RUFY2: variants seen among roughly 807,000 people sequenced by gnomAD.
RUFY2 encodes the protein RUN and FYVE domain-containing protein 2.
A neutral mutation model predicts 94.4 loss-of-function variants in RUFY2; 49 were observed. The observed-to-expected ratio is 0.52, with a 90% CI of 0.41 to 0.66. The LOEUF (loss-of-function observed/expected upper bound fraction) is 0.66. Among genes scored for constraint, RUFY2 ranks in the 30% least tolerant of loss-of-function variants. RUFY2 has a pLI of 0.00. For missense variants in RUFY2, 541 were observed against 692.8 expected (o/e 0.78, Z 2.46); for synonymous variants, 255 against 235.7 (o/e 1.08, Z -0.75).
At chr10:68,382,351 C>T (rs893293931) in intron 10 of RUFY2, among the ~76,000 whole-genome samples, 11 of 151,706 alleles carry the variant, frequency 7.3e-5, no homozygotes, top group Non-Finnish European at 1.3e-4. Flanking sequence ...CCACCGTGCC[C>T]GGCCAACACA....
chr10:68,394,139 G>T lies in RUFY2; in HGVS notation c.523-3C>A. 1 of 1,488,334 alleles carries T rather than the reference G, an allele frequency of 6.7e-7. No individual in the cohort carries two copies. The highest frequency in any genetic ancestry group is 9.0e-7 in the Non-Finnish European group (1 of 1,111,486). 92.2% of individuals were successfully genotyped at this position (1,488,334 alleles called of 1,614,324 possible). A position where few individuals can be genotyped will look rare whatever the true frequency, so the allele number is the denominator to read the frequency against. ...ATAGAAAAATCAATCACTCCAACCT[G>T]AAGTAAATAAAGTTTTTTTTAATTT... On this transcript the variant is annotated splice_region_variant and splice_polypyrimidine_tract_variant and intron_variant, in intron 5 of 17. Transcript: ENST00000602465.
intron 6 of RUFY2, chr10:68,393,688 C>A: frequency 4.6e-6 from 1 of 218,084 alleles, no homozygotes; most frequent in Non-Finnish European, 8.9e-6. Flanking sequence ...AAGATAGAAC[C>A]ACTGCACTCC....
chr10:68,386,355 A>AT (rs1281473439), intron 7 of RUFY2, among the ~76,000 whole-genome samples: 13 of 150,452 alleles, frequency 8.6e-5, no homozygotes, highest in Non-Finnish European at 1.2e-4. Context: ...GGTGCTACTG[A>AT]TTTTTTTTTT....
intron 14 of RUFY2, 148 bp downstream of exon 14, chr10:68,363,836 C>A: frequency 1.2e-6 from 1 of 830,496 alleles, no homozygotes; most frequent in South Asian, 2.0e-5. Context: ...GCTGTATCAA[C>A]TATTTTCCAT....
rs2046141761 is a variant in RUFY2 at position 68,344,166 on chromosome 10, T to C, written c.*1602A>G. On this transcript the variant is annotated 3_prime_UTR_variant, in exon 18 of 18. Transcript: ENST00000602465. ...GACACCTCAAAAGCTGACTGGAAAT[T>C]TACGGGTTTTGGAAAAAATAGATCT... 2 of 152,104 alleles carry C rather than the reference T, an allele frequency of 1.3e-5. 1 individual carries two copies. Among genetic ancestry groups the C allele is most frequent in the South Asian group, 4.1e-4 (2 of 4,830 alleles). The allele number at this position is 152,104 out of a possible 1,614,324, so 9.4% of individuals were successfully genotyped here.
At position 68,344,196 on chromosome 10, in the gene RUFY2, G is replaced by A. The variant is rs1005893861; in HGVS notation, c.*1572C>T. 4 of 152,104 alleles carry A rather than the reference G, an allele frequency of 2.6e-5. No homozygotes were observed. The highest frequency in any genetic ancestry group is 7.2e-5 in the African/African-American group (3 of 41,394). The allele number at this position is 152,104 out of a possible 1,614,324, so 9.4% of individuals were successfully genotyped here. A position where few individuals can be genotyped will look rare whatever the true frequency, so the allele number is the denominator to read the frequency against. ...GGTTTTGGAAAAAATAGATCTTCAA[G>A]TAAAATATTCATTTCATACTTAGGC... is the stretch of plus-strand genomic sequence containing the variant. On this transcript the variant is annotated 3_prime_UTR_variant, in exon 18 of 18. Coordinates refer to ENST00000602465, the MANE Select transcript of RUFY2 (RefSeq NM_001330103.2).
At chr10:68,357,354 G>A (rs947949449) in intron 15 of RUFY2, among the ~76,000 whole-genome samples, 1 of 151,096 alleles carries the variant, frequency 6.6e-6, no homozygotes, top group Non-Finnish European at 1.5e-5. Context: ...TCAGCCTCCC[G>A]AATAGCTGGG....
chr10:68,362,530 G>A (rs534514082), intron 15 of RUFY2, among the ~76,000 whole-genome samples: 43 of 151,952 alleles, frequency 2.8e-4, no homozygotes, highest in Non-Finnish European at 5.6e-4. Flanking sequence ...AGTGACTCAC[G>A]CCTGTGATCC....
intron 15 of RUFY2, among the ~76,000 whole-genome samples, chr10:68,363,082 G>C (rs2047564927): frequency 6.6e-6 from 1 of 151,990 alleles, no homozygotes; most frequent in Admixed American, 6.6e-5. Flanking sequence ...TCATCTACTG[G>C]GAAATATTCA....
At chr10:68,370,988 C>T (rs573855914) in intron 13 of RUFY2, among the ~76,000 whole-genome samples, 33 of 151,970 alleles carry the variant, frequency 2.2e-4, no homozygotes, top group Non-Finnish European at 3.4e-4. Context: ...AAAAATTAGC[C>T]GGGTGTGGTG....
chr10:68,406,324 C>T (rs61855081), intron 1 of RUFY2, among the ~76,000 whole-genome samples: 14,432 of 139,594 alleles, frequency 0.1, 1,009 homozygotes, highest in South Asian at 0.29. Context: ...GGAAAAATGT[C>T]CACACACGAA....
chr10:68,380,561 T>C (rs1458830103), intron 11 of RUFY2, among the ~76,000 whole-genome samples: 3 of 151,866 alleles, frequency 2.0e-5, no homozygotes, highest in Non-Finnish European at 4.4e-5. Flanking sequence ...AATATCATCG[T>C]ACAAAACTCA....
chr10:68,397,066 T>C (rs2050444469), intron 3 of RUFY2, among the ~76,000 whole-genome samples, 185 bp from the exon 4 acceptor site: 1 of 152,232 alleles, frequency 6.6e-6, no homozygotes, highest in African/African-American at 2.4e-5. Flanking sequence ...GTTCCTCCTG[T>C]AGGACATCCA....
intron 15 of RUFY2, among the ~76,000 whole-genome samples, chr10:68,360,660 A>C (rs981333568): frequency 6.6e-6 from 1 of 152,096 alleles, no homozygotes; most frequent in Non-Finnish European, 1.5e-5. Context: ...AGGCAGGAGA[A>C]GGACGTGAAC....
chr10:68,394,222 C>T (rs1482916945), intron 5 of RUFY2, 86 bp from the exon 6 acceptor site: 6 of 1,559,434 alleles, frequency 3.8e-6, no homozygotes, highest in South Asian at 1.2e-5. Context: ...CTTAATATTC[C>T]TTTAGTGTTT....
At chr10:68,390,556 C>T (rs146264283) in intron 7 of RUFY2, among the ~76,000 whole-genome samples, 166 of 152,082 alleles carry the variant, frequency 1.1e-3, no homozygotes, top group African/African-American at 3.9e-3. Flanking sequence ...TTGAAATGTG[C>T]TGTAAGGGTA....
chr10:68,391,139 T>C (rs1051300744), intron 7 of RUFY2, among the ~76,000 whole-genome samples: 8 of 151,766 alleles, frequency 5.3e-5, no homozygotes, highest in Non-Finnish European at 1.2e-4. Context: ...TTTTACCATG[T>C]TGGCCAGGCT....
At chr10:68,355,509 TA>T in intron 15 of RUFY2, 108 bp from the exon 16 acceptor site, 1 of 627,804 alleles carries the variant, frequency 1.6e-6, no homozygotes, top group South Asian at 2.3e-5. Flanking sequence ...TTATGTATAG[TA>T]TATGATTTTT....
intron 1 of RUFY2, chr10:68,405,327 A>AAT: frequency 1.3e-5 from 4 of 304,134 alleles, no homozygotes; most frequent in Non-Finnish European, 1.9e-5. Context: ...AAAAAAAAAA[A>AAT]GAAAAAGAAA....
Sources: gnomAD v4.1 joint callset for allele counts (sites outside exome capture counted in the v4.1 genomes callset) on GRCh38, gnomAD v4.1.1 for gene constraint, MANE v1.5 for transcripts, NCBI Gene and HGNC (gene_info 2026-07-23, HGNC 2026-07-21) for gene names.